Variants in TMEM219 observed in about 807,000 individuals in gnomAD.
The protein encoded by TMEM219 is insulin-like growth factor-binding protein 3 receptor.
Under a neutral mutation model 17.9 loss-of-function variants are expected in TMEM219, and 18 were observed. That is an observed-to-expected ratio of 1.01 (90% CI 0.70 to 1.49). The LOEUF (loss-of-function observed/expected upper bound fraction) is 1.49, where lower values mean the gene tolerates loss of function less well. TMEM219 is among the 40% of genes most tolerant of loss of function. TMEM219 has a pLI of 0.00. For missense variants in TMEM219, 288 were observed against 292.4 expected (o/e 0.99, Z 0.11); for synonymous variants, 113 against 124.0 (o/e 0.91, Z 0.59).
Position 29,963,115 on chromosome 16 carries a change from C to G in TMEM219, c.-29C>G. 2 of 1,605,590 alleles carry G rather than the reference C, an allele frequency of 1.2e-6. No homozygotes were observed. Among genetic ancestry groups the G allele is most frequent in the Non-Finnish European group, 1.7e-6 (2 of 1,178,808 alleles). On this transcript the variant is annotated 5_prime_UTR_variant, in exon 2 of 6. Transcript: ENST00000279396. ...CCCTCCCTGTCTTCCAGCAGGCTCTCCCCGGAGGCTCAGCCCCCTCTGCTC... is the reference window on the plus strand; with the variant it reads ...CCCTCCCTGTCTTCCAGCAGGCTCTGCCCGGAGGCTCAGCCCCCTCTGCTC...
intron 5 of TMEM219, among the ~76,000 whole-genome samples, chr16:29,972,546 T>G (rs2069312891): frequency 6.6e-6 from 1 of 152,256 alleles, no homozygotes; most frequent in African/African-American, 2.4e-5. Context: ...CCATGTGTTA[T>G]GCATCCAGCT....
At chr16:29,971,275 T>C (rs1480804917) in intron 4 of TMEM219, 133 bp from the exon 5 acceptor site, 6 of 990,300 alleles carry the variant, frequency 6.1e-6, no homozygotes, top group Non-Finnish European at 8.9e-6. Flanking sequence ...AAATGTCAGC[T>C]TATATGAAAA....
At chr16:29,965,687 G>T (rs2069204180) in intron 3 of TMEM219, among the ~76,000 whole-genome samples, 2 of 151,968 alleles carry the variant, frequency 1.3e-5, no homozygotes, top group South Asian at 4.1e-4. Flanking sequence ...ACATTCTCCT[G>T]CCTCAGCCTC....
At chr16:29,963,988 C>T (rs1001795296) in intron 3 of TMEM219, among the ~76,000 whole-genome samples, 1 of 151,970 alleles carries the variant, frequency 6.6e-6, no homozygotes, top group African/African-American at 2.4e-5. Flanking sequence ...CGAGACCAGC[C>T]TGGCCAACAT....
intron 4 of TMEM219, among the ~76,000 whole-genome samples, chr16:29,971,080 A>C (rs546013452): frequency 1.3e-5 from 2 of 151,718 alleles, no homozygotes; most frequent in East Asian, 3.9e-4. Context: ...CCCCGTCTCT[A>C]CTAAAAATAC....
intron 4 of TMEM219, among the ~76,000 whole-genome samples, chr16:29,971,132 G>C (rs2069280464): frequency 1.3e-5 from 2 of 151,670 alleles, no homozygotes; most frequent in South Asian, 4.2e-4. Context: ...TGTAGTCCCA[G>C]CTACTTGGGA....
intron 3 of TMEM219, among the ~76,000 whole-genome samples, chr16:29,966,381 A>G (rs1208845111): frequency 6.6e-6 from 1 of 152,028 alleles, no homozygotes; most frequent in South Asian, 2.1e-4. Flanking sequence ...GGTATTTTCA[A>G]TATGTTACTT....
intron 4 of TMEM219, among the ~76,000 whole-genome samples, chr16:29,970,064 T>C (rs979583097): frequency 6.6e-6 from 1 of 151,932 alleles, no homozygotes; most frequent in Non-Finnish European, 1.5e-5. Context: ...TGAAACCCCA[T>C]CTCTACTAAA....
intron 4 of TMEM219, among the ~76,000 whole-genome samples, chr16:29,968,882 T>A (rs2150865031): frequency 6.6e-6 from 1 of 152,314 alleles, no homozygotes; most frequent in African/African-American, 2.4e-5. Flanking sequence ...AGGGAGTGAA[T>A]TGCTGCAGGC....
At position 29,963,422 on chromosome 16, in the gene TMEM219, C is replaced by G; in HGVS notation, c.188C>G (p.Ser63Cys). 1 of 1,613,890 alleles carries G rather than the reference C, an allele frequency of 6.2e-7. No individual in the cohort carries two copies. Among genetic ancestry groups the G allele is most frequent in the Non-Finnish European group, 8.5e-7 (1 of 1,179,920 alleles). The change falls in exon 3 of 6, where the codon TCT (serine) becomes TGT (cysteine). Residue 63 changes from serine to cysteine, a missense_variant. Transcript: ENST00000279396. ...IPQDWVSFLR[S>C]FGQLTLCPRN... is the part of the protein sequence containing the mutation. ...CAGGACTGGGTCTCTTTTTTGAGAT[C>G]TTTTGGCCAGCTGACCCTGTGTCCC... is the stretch of plus-strand genomic sequence containing the variant.
intron 4 of TMEM219, 146 bp from the exon 5 acceptor site, chr16:29,971,260 AAG>A: frequency 2.2e-5 from 21 of 942,774 alleles, no homozygotes; most frequent in Non-Finnish European, 3.1e-5. Flanking sequence ...AAAAAAAAAA[AAG>A]ACAAATGTCA....
chr16:29,972,912 T>G (rs922277994), intron 5 of TMEM219, 38 bp from the exon 6 acceptor site: 1 of 152,214 alleles, frequency 6.6e-6, no homozygotes, highest in Non-Finnish European at 1.5e-5. Context: ...CTAGCAGCTC[T>G]TCGACCTGTT....
In TMEM219 at chr16:29,968,245, G is replaced by T; in HGVS notation, c.576G>T (p.Leu192=). The change falls in exon 4 of 6, where the codon CTG becomes CTT. Residue 192 remains leucine (L), a synonymous_variant. Coordinates refer to ENST00000279396, the MANE Select transcript of TMEM219 (RefSeq NM_001083613.2). ...ATGAAGGCCTTGTGCTGACCAAGCT[G>T]CTCACCTCGGTAAGAGCCTCAGATG... ...WSHEGLVLTK[L]LTSEELALCG... 1 of 1,612,530 alleles carries T rather than the reference G, an allele frequency of 6.2e-7. No individual in the cohort carries two copies. The highest frequency in any genetic ancestry group is 1.7e-4 in the Middle Eastern group (1 of 5,970).
intron 3 of TMEM219, among the ~76,000 whole-genome samples, chr16:29,966,601 G>C (rs2069215118): frequency 6.6e-6 from 1 of 151,992 alleles, no homozygotes; most frequent in Non-Finnish European, 1.5e-5. Flanking sequence ...GATCACCTGA[G>C]GTCAGGAGTT....
At position 29,968,239 on chromosome 16, in the gene TMEM219, C is replaced by T. The variant is rs747359318; in HGVS notation, c.570C>T (p.Thr190=). ...SVWSHEGLVL[T]KLLTSEELAL... The stretch of plus-strand genomic sequence containing the variant: ...GGAGCCATGAAGGCCTTGTGCTGAC[C>T]AAGCTGCTCACCTCGGTAAGAGCCT... Residue 190 remains threonine (T), a synonymous_variant, in exon 4 of 6, where the codon ACC becomes ACT. Transcript: ENST00000279396. 6.2e-7 allele frequency: 1 copy of T among 1,613,164 alleles called. No homozygotes were observed. Among genetic ancestry groups the T allele is most frequent in the Non-Finnish European group, 8.5e-7 (1 of 1,179,224 alleles).
intron 3 of TMEM219, among the ~76,000 whole-genome samples, chr16:29,966,476 T>C (rs989400861): frequency 6.6e-6 from 1 of 152,150 alleles, no homozygotes; most frequent in Non-Finnish European, 1.5e-5. Flanking sequence ...ATTAAAACTT[T>C]TAGGTTTTGT....
intron 4 of TMEM219, 71 bp downstream of exon 4, chr16:29,968,325 G>T: frequency 7.7e-7 from 1 of 1,291,196 alleles, no homozygotes. Flanking sequence ...AAGGTCCCTG[G>T]AAACAATTCT....
rs2069278257 is a variant in TMEM219, at chr16:29,970,975, GGT to G, written c.586-430_586-429del. ...AAAAAAAAAAAAAAGGGCCAGGCGC[GGT>G]GTTTCACGCCTGTAATCCCAGCACT... On this transcript the variant is annotated intron_variant, in intron 4 of 5. Transcript: ENST00000279396. Among the ~76,000 whole-genome samples, 3 of 151,178 alleles carry G rather than the reference GGT, an allele frequency of 2.0e-5. No individual in the cohort carries two copies. The South Asian group carries it at 6.3e-4, about 32-fold the overall frequency.
intron 3 of TMEM219, 108 bp downstream of exon 3, chr16:29,963,697 A>C (rs1044324088): frequency 1.1e-5 from 11 of 968,574 alleles, no homozygotes; most frequent in Admixed American, 2.9e-5. Flanking sequence ...AGCCTGGCCA[A>C]CATGATGAAA....
Sources: allele counts gnomAD v4.1 joint callset (sites outside exome capture counted in the v4.1 genomes callset), GRCh38; gene constraint gnomAD v4.1.1; transcripts MANE v1.5; gene names NCBI Gene and HGNC (gene_info 2026-07-23, HGNC 2026-07-21).